Variants in ANKMY2 observed in about 807,000 individuals in gnomAD.
The protein encoded by ANKMY2 is ankyrin repeat and MYND domain-containing protein 2.
ANKMY2 carries 36 observed loss-of-function variants against 50.4 expected under a neutral mutation model. The observed-to-expected ratio is 0.71, with a 90% CI of 0.55 to 0.94. ANKMY2 has a LOEUF of 0.94. Ranked by LOEUF, ANKMY2 falls within the 40% of genes least tolerant of loss-of-function variation. The pLI is 0.00. For synonymous variants in ANKMY2, 187 were observed against 178.8 expected, an observed-to-expected ratio of 1.05 and a Z score of -0.36; for missense variants, 565 against 524.0, an observed-to-expected ratio of 1.08 and a Z score of -0.76.
chr7:16,622,201 T>C (rs75801990), intron 4 of ANKMY2, among the ~76,000 whole-genome samples: 5,419 of 151,908 alleles, frequency 0.036, 170 homozygotes, highest in African/African-American at 0.084. Flanking sequence ...CTCAAAGCAA[T>C]AACAAAGGGC....
At chr7:16,622,779 AAT>A (rs1781457714) in intron 4 of ANKMY2, among the ~76,000 whole-genome samples, 2 of 99,934 alleles carry the variant, frequency 2.0e-5, no homozygotes, top group African/African-American at 3.2e-5. Flanking sequence ...TAAATAAATA[AAT>A]AAATAAAAAT....
Position 16,600,649 on chromosome 7 carries a change from G to C in ANKMY2, c.*112C>G. 1 of 892,432 alleles carries C rather than the reference G, an allele frequency of 1.1e-6. No individual in the cohort carries two copies. Among genetic ancestry groups the C allele is most frequent in the Non-Finnish European group, 1.6e-6 (1 of 636,550 alleles). 55.3% of individuals were successfully genotyped at this position (892,432 alleles called of 1,614,324 possible). The stretch of plus-strand genomic sequence containing the variant: ...GAAAACCTGTATTCTATGAAATGTG[G>C]AATCCTGCCATGGTGCCACGCAGGT... On this transcript the variant is annotated 3_prime_UTR_variant, in exon 10 of 10. Transcript: ENST00000306999.
At chr7:16,628,411 G>A (rs1781535564) in intron 2 of ANKMY2, among the ~76,000 whole-genome samples, 1 of 151,256 alleles carries the variant, frequency 6.6e-6, no homozygotes, top group South Asian at 2.1e-4. Flanking sequence ...GGAAGCAACG[G>A]ACATTTCTTG....
chr7:16,620,020 T>C (rs1407629306), intron 4 of ANKMY2, among the ~76,000 whole-genome samples: 4 of 152,220 alleles, frequency 2.6e-5, no homozygotes, highest in South Asian at 2.1e-4. Flanking sequence ...AACTCTGATA[T>C]GAGTCAGAAA....
intron 8 of ANKMY2, chr7:16,603,613 C>CA (rs1300751710): frequency 1.3e-5 from 6 of 471,160 alleles, no homozygotes; most frequent in South Asian, 9.3e-5. Context: ...ATTCTTCATT[C>CA]ATCCTTGCAT....
chr7:16,614,501 G>A (rs2128342995), intron 5 of ANKMY2, among the ~76,000 whole-genome samples: 1 of 152,210 alleles, frequency 6.6e-6, no homozygotes, highest in Middle Eastern at 3.4e-3. Context: ...AATTAATTTG[G>A]GTGGAGGAAC....
At chr7:16,638,390 C>G (rs1016460479) in intron 1 of ANKMY2, among the ~76,000 whole-genome samples, 1 of 152,164 alleles carries the variant, frequency 6.6e-6, no homozygotes, top group Non-Finnish European at 1.5e-5. Context: ...GGAAACACTA[C>G]TTACATTTAC....
intron 7 of ANKMY2, among the ~76,000 whole-genome samples, chr7:16,605,520 G>C (rs995513831): frequency 1.3e-5 from 2 of 151,800 alleles, no homozygotes; most frequent in Non-Finnish European, 2.9e-5. Flanking sequence ...TTATTTTTTT[G>C]AGATGGAGTC....
chr7:16,607,493 G>C (rs564904696), intron 7 of ANKMY2, among the ~76,000 whole-genome samples: 2 of 151,956 alleles, frequency 1.3e-5, no homozygotes, highest in Non-Finnish European at 2.9e-5. Context: ...GCTTGAACCC[G>C]GAAGACTGAG....
intron 5 of ANKMY2, among the ~76,000 whole-genome samples, chr7:16,611,492 A>T (rs1781250201): frequency 6.6e-6 from 1 of 152,200 alleles, no homozygotes; most frequent in South Asian, 2.1e-4. Context: ...TGTAGGGTAG[A>T]TTATTTGAAG....
intron 6 of ANKMY2, among the ~76,000 whole-genome samples, chr7:16,610,290 T>C (rs1160906910): frequency 2.6e-5 from 4 of 152,192 alleles, no homozygotes; most frequent in Admixed American, 2.6e-4. Flanking sequence ...TTACACATGT[T>C]ATTTAACCTC....
chr7:16,639,327 G>A (rs1172349932), intron 1 of ANKMY2, among the ~76,000 whole-genome samples: 1 of 148,080 alleles, frequency 6.8e-6, no homozygotes, highest in African/African-American at 2.4e-5. Flanking sequence ...ACAAACTGCT[G>A]GGGGTGGAAG....
rs537816345 is a variant in ANKMY2 at position 16,636,426 on chromosome 7, A to G, written c.97T>C (p.Ser33Pro). The G allele has an allele frequency of 6.3e-7, 1 of 1,599,528 alleles. No homozygotes were observed. The highest frequency in any genetic ancestry group is 8.5e-7 in the Non-Finnish European group (1 of 1,172,536). Residue 33 changes from serine to proline, a missense_variant, in exon 2 of 10, where the codon TCC (serine) becomes CCC (proline). Transcript: ENST00000306999. ...CAGTTGACACGAACATTCTTGCTGGATAATAATGTTCCAGCTTCTTGGACA... is the reference window on the plus strand; with the variant it reads ...CAGTTGACACGAACATTCTTGCTGGGTAATAATGTTCCAGCTTCTTGGACA... ...GTVQEAGTLL[S>P]SKNVRVNCLD... is the part of the protein sequence containing the mutation.
chr7:16,609,135 T>C (rs1781205472), intron 7 of ANKMY2, among the ~76,000 whole-genome samples: 1 of 152,240 alleles, frequency 6.6e-6, no homozygotes. Context: ...CATTTTCTAA[T>C]CAGAGGCATT....
intron 2 of ANKMY2, among the ~76,000 whole-genome samples, chr7:16,632,083 T>TC (rs1163062559): frequency 1.4e-5 from 2 of 146,036 alleles, no homozygotes; most frequent in Non-Finnish European, 3.0e-5. Context: ...CTCCTTTCTT[T>TC]CCCCCCGTCT....
intron 5 of ANKMY2, among the ~76,000 whole-genome samples, chr7:16,612,080 G>T (rs142513766): frequency 6.6e-6 from 1 of 152,158 alleles, no homozygotes; most frequent in East Asian, 1.9e-4. Context: ...GGAGCACAAA[G>T]ACCACAACAA....
intron 1 of ANKMY2, among the ~76,000 whole-genome samples, chr7:16,645,276 G>C (rs1022998350): frequency 3.9e-5 from 6 of 152,194 alleles, no homozygotes; most frequent in African/African-American, 1.4e-4. Flanking sequence ...AGCGGATTTA[G>C]AGGCCGAGCC....
intron 2 of ANKMY2, among the ~76,000 whole-genome samples, chr7:16,630,651 T>C (rs1279146128): frequency 6.6e-6 from 1 of 152,168 alleles, no homozygotes; most frequent in Non-Finnish European, 1.5e-5. Flanking sequence ...ATAAGCAAAC[T>C]TCATGCCTCC....
At chr7:16,645,393 T>C in intron 1 of ANKMY2, 114 bp downstream of exon 1, 1 of 1,056,132 alleles carries the variant, frequency 9.5e-7, no homozygotes, top group South Asian at 1.7e-5. Flanking sequence ...GGTTCCAGGC[T>C]GCAAACCTTG....
Sources: allele counts gnomAD v4.1 joint callset (sites outside exome capture counted in the v4.1 genomes callset), GRCh38; gene constraint gnomAD v4.1.1; transcripts MANE v1.5; gene names NCBI Gene and HGNC (gene_info 2026-07-23, HGNC 2026-07-21).